Variants in SLC13A3 observed in about 807,000 individuals in gnomAD.
SLC13A3 encodes Na(+)/dicarboxylate cotransporter 3.
Under a neutral mutation model 59.0 loss-of-function variants are expected in SLC13A3, and 40 were observed. The observed-to-expected ratio is 0.68, with a 90% CI of 0.53 to 0.88. The LOEUF (loss-of-function observed/expected upper bound fraction) is 0.88, where lower values mean the gene tolerates loss of function less well. Among genes scored for constraint, SLC13A3 ranks in the 40% least tolerant of loss-of-function variants. The pLI is 0.00. For missense variants in SLC13A3, 699 were observed against 783.2 expected (o/e 0.89, Z 1.28); for synonymous variants, 317 against 330.3 (o/e 0.96, Z 0.44).
chr20:46,605,585 C>T (rs2062430458), intron 3 of SLC13A3, among the ~76,000 whole-genome samples: 1 of 152,144 alleles, frequency 6.6e-6, no homozygotes, highest in Non-Finnish European at 1.5e-5. Context: ...AAGTTTATTA[C>T]CTTCCTCTTC....
upstream of SLC13A3, among the ~76,000 whole-genome samples, chr20:46,652,904 C>T (rs1056246731): frequency 3.3e-5 from 5 of 152,206 alleles, no homozygotes; most frequent in South Asian, 2.1e-4. Context: ...CACATCTTTG[C>T]CAACATTTGG....
chr20:46,681,992 A>G (rs2063156011), intron 1 of SLC13A3: 1 of 152,252 alleles, frequency 6.6e-6, no homozygotes, highest in Admixed American at 6.5e-5. Flanking sequence ...TAAGTTGGGC[A>G]TTCAGTTTCC....
chr20:46,632,658 C>T (rs186051230), intron 1 of SLC13A3, among the ~76,000 whole-genome samples: 1 of 152,082 alleles, frequency 6.6e-6, no homozygotes, highest in African/African-American at 2.4e-5. Context: ...TAACTTTGTT[C>T]CTTGGTTTTC....
chr20:46,565,996 T>C (rs2061976768), intron 11 of SLC13A3, among the ~76,000 whole-genome samples: 1 of 152,248 alleles, frequency 6.6e-6, no homozygotes, highest in African/African-American at 2.4e-5. Flanking sequence ...CATGGGTTAA[T>C]TTTCCCAGAA....
At chr20:46,566,497 T>A in intron 10 of SLC13A3, 107 bp from the exon 11 acceptor site, 3 of 1,284,612 alleles carry the variant, frequency 2.3e-6, no homozygotes, top group Non-Finnish European at 3.2e-6. Context: ...CCTTCCCAGA[T>A]GGGGAGACTG....
intron 1 of SLC13A3, among the ~76,000 whole-genome samples, chr20:46,664,415 A>G (rs918895036): frequency 2.0e-5 from 3 of 152,182 alleles, no homozygotes; most frequent in Admixed American, 2.0e-4. Context: ...TATTAATAAT[A>G]TTTGAATACC....
rs146996460 is a variant in SLC13A3 at position 46,641,217 on chromosome 20, G to A, written c.111+10094C>T. Among the ~76,000 whole-genome samples the A allele has an allele frequency of 1.1e-4, 17 of 152,284 alleles. No individual in the cohort carries two copies. The East Asian group carries it at 1.9e-3, about 17-fold the overall frequency. ...TACGCAAACCAGGAAGCAGTCTGGG[G>A]TTTTAGACCCCGTACAGGTTCTGAA... is the stretch of plus-strand genomic sequence containing the variant. On this transcript the variant is annotated intron_variant, in intron 1 of 12. Coordinates refer to ENST00000279027, the MANE Select transcript of SLC13A3 (RefSeq NM_022829.6).
At chr20:46,581,331 G>C (rs548345840) in intron 9 of SLC13A3, among the ~76,000 whole-genome samples, 12 of 152,218 alleles carry the variant, frequency 7.9e-5, no homozygotes, top group Middle Eastern at 3.2e-3. Flanking sequence ...AGGCAGGCCA[G>C]GGATCTACGA....
chr20:46,593,623 T>C (rs1205049480), intron 5 of SLC13A3, among the ~76,000 whole-genome samples: 2 of 152,166 alleles, frequency 1.3e-5, no homozygotes, highest in African/African-American at 4.8e-5. Context: ...AATATTAAAA[T>C]ATCAGCAAGT....
At chr20:46,606,608 G>A (rs142473313) in intron 3 of SLC13A3, among the ~76,000 whole-genome samples, 4 of 152,358 alleles carry the variant, frequency 2.6e-5, no homozygotes, top group Non-Finnish European at 5.9e-5. Flanking sequence ...GGAGGCCGAG[G>A]CTAGAGGATC....
chr20:46,627,143 G>A (rs561232714), intron 1 of SLC13A3, among the ~76,000 whole-genome samples: 10 of 152,180 alleles, frequency 6.6e-5, no homozygotes, highest in African/African-American at 2.4e-4. Context: ...GTCTTTGTTC[G>A]CCTCTATTCT....
intron 1 of SLC13A3, among the ~76,000 whole-genome samples, chr20:46,677,883 G>A (rs886379309): frequency 1.3e-5 from 2 of 152,168 alleles, no homozygotes; most frequent in African/African-American, 2.4e-5. Flanking sequence ...ACAGGGTCCC[G>A]TGTGGCAAGA....
chr20:46,665,288 A>T (rs1385985872), intron 1 of SLC13A3, among the ~76,000 whole-genome samples: 1 of 151,968 alleles, frequency 6.6e-6, no homozygotes, highest in Non-Finnish European at 1.5e-5. Flanking sequence ...AAGTATGTGT[A>T]ATGTAATGAT....
chr20:46,647,457 C>T (rs1250400521), intron 1 of SLC13A3, among the ~76,000 whole-genome samples: 2 of 152,118 alleles, frequency 1.3e-5, no homozygotes, highest in South Asian at 2.1e-4. Flanking sequence ...AAGATCACTC[C>T]CCAAACCTCT....
At chr20:46,584,803 C>T (rs1687422211) in intron 8 of SLC13A3, among the ~76,000 whole-genome samples, 2 of 152,092 alleles carry the variant, frequency 1.3e-5, no homozygotes, top group Non-Finnish European at 2.9e-5. Flanking sequence ...AACAGTCGTA[C>T]TTTTGTACAC....
chr20:46,604,622 A>G (rs1600548108), intron 3 of SLC13A3, among the ~76,000 whole-genome samples: 1 of 152,108 alleles, frequency 6.6e-6, no homozygotes, highest in East Asian at 1.9e-4. Context: ...ATGAGGGAAC[A>G]GGATTCCATG....
chr20:46,651,474 CG>C, upstream of SLC13A3: 1 of 1,332,888 alleles, frequency 7.5e-7, no homozygotes, highest in Non-Finnish European at 9.5e-7. Flanking sequence ...CGCCTGGCCC[CG>C]GCGCCGGCTT....
At chr20:46,640,353 C>T (rs574686828) in intron 1 of SLC13A3, among the ~76,000 whole-genome samples, 5 of 152,038 alleles carry the variant, frequency 3.3e-5, no homozygotes, top group South Asian at 2.1e-4. Flanking sequence ...CCAGGTTGAC[C>T]GGCAGGGCAG....
At chr20:46,682,206 G>A (rs2063156866) in intron 1 of SLC13A3, 1 of 152,184 alleles carries the variant, frequency 6.6e-6, no homozygotes. Flanking sequence ...AAATCAAATT[G>A]GCAAACTATC....
Sources: gnomAD v4.1 joint callset for allele counts (sites outside exome capture counted in the v4.1 genomes callset) on GRCh38, gnomAD v4.1.1 for gene constraint, MANE v1.5 for transcripts, NCBI Gene and HGNC (gene_info 2026-07-23, HGNC 2026-07-21) for gene names.